ROCK1: variants seen among roughly 807,000 people sequenced by gnomAD.
The protein encoded by ROCK1 is rho-associated protein kinase 1.
Under a neutral mutation model 196.8 loss-of-function variants are expected in ROCK1, and 36 were observed. The ratio of observed to expected loss-of-function variants is 0.18; its 90% confidence interval spans 0.14 to 0.24. The LOEUF is 0.24. Among genes scored for constraint, ROCK1 ranks in the 10% least tolerant of loss-of-function variants. The probability of loss-of-function intolerance (pLI) is 1.00; values close to 1 mark genes in which losing one functional copy is unlikely to be tolerated. For missense variants in ROCK1, 920 were observed against 1,562.0 expected (o/e 0.59, Z 6.93); for synonymous variants, 443 against 515.9 (o/e 0.86, Z 1.91).
At chr18:21,002,560 T>C (rs1363382516) in intron 16 of ROCK1, among the ~76,000 whole-genome samples, 4 of 152,170 alleles carry the variant, frequency 2.6e-5, no homozygotes, top group Non-Finnish European at 4.4e-5. Flanking sequence ...GTAACTACTA[T>C]ATAATTGATG....
intron 20 of ROCK1, among the ~76,000 whole-genome samples, chr18:20,983,731 T>C (rs2035554008): frequency 6.6e-6 from 1 of 152,160 alleles, no homozygotes; most frequent in Non-Finnish European, 1.5e-5. Context: ...ATTTCACCAA[T>C]ATAAATCCAA....
In ROCK1 at chr18:20,969,112, T is replaced by A; in HGVS notation, c.2914+3A>T. On this transcript the variant is annotated splice_donor_region_variant and intron_variant, in intron 24 of 32. Transcript: ENST00000399799. ...ATGATGATTTTTTAAAAATTCTACA[T>A]ACCTTCCTCTGCCTTCTTCATTTTC... 3 of 1,547,074 alleles carry A rather than the reference T, an allele frequency of 1.9e-6. No homozygotes were observed. Among genetic ancestry groups the A allele is most frequent in the Non-Finnish European group, 2.7e-6 (3 of 1,128,414 alleles).
intron 4 of ROCK1, among the ~76,000 whole-genome samples, chr18:21,047,508 T>C (rs912729952): frequency 6.6e-6 from 1 of 152,064 alleles, no homozygotes; most frequent in African/African-American, 2.4e-5. Context: ...AAAAGTACTA[T>C]GGTGACCGGG....
intron 9 of ROCK1, among the ~76,000 whole-genome samples, chr18:21,037,867 C>G (rs542809567): frequency 1.3e-5 from 2 of 152,218 alleles, no homozygotes; most frequent in African/African-American, 4.8e-5. Context: ...CAATATACAA[C>G]AGGTGTTCAG....
At chr18:21,035,590 T>C (rs1441093644) in intron 9 of ROCK1, among the ~76,000 whole-genome samples, 3 of 152,204 alleles carry the variant, frequency 2.0e-5, no homozygotes, top group Admixed American at 2.0e-4. Flanking sequence ...TATCCATATA[T>C]ATAACATTAA....
intron 2 of ROCK1, among the ~76,000 whole-genome samples, chr18:21,070,228 C>G (rs2036372282): frequency 6.6e-6 from 1 of 152,056 alleles, no homozygotes; most frequent in African/African-American, 2.4e-5. Flanking sequence ...TATAAAACAG[C>G]TTTCATGGAG....
At chr18:21,075,118 C>T (rs981330334) in intron 1 of ROCK1, among the ~76,000 whole-genome samples, 11 of 151,996 alleles carry the variant, frequency 7.2e-5, no homozygotes, top group Non-Finnish European at 1.0e-4. Context: ...GGAATTTCTG[C>T]GGGGGAGAAA....
Position 20,979,928 on chromosome 18 carries a change from T to C in ROCK1, c.2636A>G (p.Gln879Arg). The C allele has an allele frequency of 6.5e-7, 1 of 1,541,956 alleles. No homozygotes were observed. The highest frequency in any genetic ancestry group is 8.8e-7 in the Non-Finnish European group (1 of 1,142,058). Reference protein sequence around the residue: ...EKNRENLKKIQELQNEKETLA... With the variant: ...EKNRENLKKIRELQNEKETLA... Reference sequence around the variant, plus strand: ...GACATACTTTTCATTTTGTAGTTCCTGTATTTTCTTTAAATTTTCTCTGTT... The same window carrying C: ...GACATACTTTTCATTTTGTAGTTCCCGTATTTTCTTTAAATTTTCTCTGTT... Residue 879 changes from glutamine to arginine, a missense_variant, in exon 22 of 33, where the codon CAG becomes CGG. Coordinates refer to ENST00000399799, the MANE Select transcript of ROCK1 (RefSeq NM_005406.3).
rs1312349858 is a variant in ROCK1, at chr18:20,958,971, TAATA to T, written c.3512+865_3512+868del. Among the ~76,000 whole-genome samples, 9 of 91,966 alleles carry T rather than the reference TAATA, an allele frequency of 9.8e-5. No homozygotes were observed. In the East Asian group the frequency reaches 1.6e-3, roughly 16 times the overall value. The allele number at this position is 91,966 out of a possible 152,430, so 60.3% of individuals were successfully genotyped here. On this transcript the variant is annotated intron_variant, in intron 29 of 32. Coordinates refer to ENST00000399799, the MANE Select transcript of ROCK1 (RefSeq NM_005406.3). ...ATATATATATTTTATATAATATATA[TAATA>T]TATATATTTTATAAAAAATAATATA...
At chr18:20,956,582 C>T (rs867595697) in intron 29 of ROCK1, among the ~76,000 whole-genome samples, 1 of 152,160 alleles carries the variant, frequency 6.6e-6, no homozygotes, top group Non-Finnish European at 1.5e-5. Context: ...CATATAAAAA[C>T]AAATACTGTT....
chr18:20,993,493 G>A (rs1162952824), intron 16 of ROCK1, among the ~76,000 whole-genome samples: 2 of 152,160 alleles, frequency 1.3e-5, no homozygotes, highest in East Asian at 1.9e-4. Flanking sequence ...GAGCCACCGC[G>A]CCCGGCACTG....
chr18:21,077,307 T>C (rs1454571166), intron 1 of ROCK1, among the ~76,000 whole-genome samples: 3 of 152,164 alleles, frequency 2.0e-5, no homozygotes, highest in Non-Finnish European at 4.4e-5. Context: ...GGTAGCAGAC[T>C]GGTTCCTCCT....
At chr18:21,054,939 C>A (rs1331828966) in intron 2 of ROCK1, among the ~76,000 whole-genome samples, 2 of 152,138 alleles carry the variant, frequency 1.3e-5, no homozygotes, top group East Asian at 3.9e-4. Flanking sequence ...CCTCTAGCAT[C>A]TTAACTCCAA....
chr18:21,015,832 T>C (rs62089203), intron 12 of ROCK1, among the ~76,000 whole-genome samples: 2 of 150,920 alleles, frequency 1.3e-5, no homozygotes, highest in African/African-American at 4.9e-5. Context: ...AAAAAAAAAT[T>C]AGCAAGGCAT....
chr18:21,070,694 C>T (rs2036376862), intron 1 of ROCK1, 81 bp from the exon 2 acceptor site: 4 of 826,486 alleles, frequency 4.8e-6, no homozygotes, highest in Admixed American at 3.1e-5. Flanking sequence ...AAAATATACG[C>T]TTTAATATTT....
chr18:20,990,929 T>C (rs1408274620), intron 18 of ROCK1, among the ~76,000 whole-genome samples: 1 of 151,746 alleles, frequency 6.6e-6, no homozygotes, highest in East Asian at 2.0e-4. Flanking sequence ...CTGGCTAATT[T>C]TTTTATTTTT....
At chr18:21,101,385 G>A (rs1195938984) in intron 1 of ROCK1, among the ~76,000 whole-genome samples, 2 of 152,102 alleles carry the variant, frequency 1.3e-5, no homozygotes, top group Non-Finnish European at 2.9e-5. Context: ...CATCACTACA[G>A]GCCAGGCAGA....
At position 21,110,882 on chromosome 18, in the gene ROCK1, C is replaced by T; in HGVS notation, c.29G>A (p.Arg10Gln). The change falls in exon 1 of 33, where the codon CGA becomes CAA. Residue 10 changes from arginine (R) to glutamine (Q), a missense_variant. Coordinates refer to ENST00000399799, the MANE Select transcript of ROCK1 (RefSeq NM_005406.3). The stretch of plus-strand genomic sequence containing the variant: ...CAGCAGGTTGTCCATTTTTTCAAAT[C>T]GAGTCTCAAAACTGTCCCCAGTCGA... MSTGDSFET[R>Q]FEKMDNLLRD... 1.2e-6 allele frequency: 2 copies of T among 1,614,144 alleles called. No homozygotes were observed. Among genetic ancestry groups the T allele is most frequent in the Non-Finnish European group, 1.7e-6 (2 of 1,180,000 alleles).
intron 1 of ROCK1, among the ~76,000 whole-genome samples, chr18:21,104,386 A>T (rs1249053235): frequency 6.6e-6 from 1 of 152,112 alleles, no homozygotes. Context: ...TCACGAGGCC[A>T]GGAGATCGAG....
Sources: gnomAD v4.1 joint callset for allele counts (sites outside exome capture counted in the v4.1 genomes callset) on GRCh38, gnomAD v4.1.1 for gene constraint, MANE v1.5 for transcripts, NCBI Gene and HGNC (gene_info 2026-07-23, HGNC 2026-07-21) for gene names.